The following AGAP1 variants were observed in gnomAD, a reference collection of about 807,000 sequenced individuals.
The protein encoded by AGAP1 is ArfGAP with GTPase domain, ankyrin repeat and PH domain 1.
Under a neutral mutation model 105.3 loss-of-function variants are expected in AGAP1, and 29 were observed. The ratio of observed to expected loss-of-function variants is 0.28; its 90% CI spans 0.21 to 0.38. AGAP1 has a LOEUF of 0.38. AGAP1 is among the 10% of genes least tolerant of loss of function. The pLI is 1.00. For synonymous variants in AGAP1, 509 were observed against 485.9 expected (o/e 1.05, Z -0.63); for missense variants, 998 against 1,165.1 (o/e 0.86, Z 2.09).
chr2:236,030,474 G>A (rs975830390), intron 13 of AGAP1, among the ~76,000 whole-genome samples: 1 of 152,196 alleles, frequency 6.6e-6, no homozygotes, highest in Non-Finnish European at 1.5e-5. Flanking sequence ...GGGGCCTCCC[G>A]GCTCCTTTCC....
At chr2:235,554,204 C>T (rs1028606657) in intron 1 of AGAP1, among the ~76,000 whole-genome samples, 6 of 152,228 alleles carry the variant, frequency 3.9e-5, no homozygotes, top group African/African-American at 1.4e-4. Flanking sequence ...TCTTGAGCAT[C>T]TCATTTTAAT....
chr2:235,851,719 C>T (rs543524758), intron 9 of AGAP1, among the ~76,000 whole-genome samples: 4 of 152,006 alleles, frequency 2.6e-5, no homozygotes, highest in Non-Finnish European at 4.4e-5. Context: ...AAGAAGGGGA[C>T]GGGGAAGCGC....
intron 9 of AGAP1, among the ~76,000 whole-genome samples, chr2:235,819,117 CTTT>C (rs1235692784): frequency 1.8e-4 from 13 of 74,050 alleles, no homozygotes; most frequent in African/African-American, 3.1e-4. Flanking sequence ...CTTTTCTTTT[CTTT>C]TTTTTTTTTT....
At chr2:235,871,755 T>C (rs1559589448) in intron 9 of AGAP1, among the ~76,000 whole-genome samples, 1 of 152,196 alleles carries the variant, frequency 6.6e-6, no homozygotes, top group Non-Finnish European at 1.5e-5. Flanking sequence ...GGCTGACTTA[T>C]CTGTCAGAGC....
intron 6 of AGAP1, among the ~76,000 whole-genome samples, chr2:235,767,766 C>T (rs999983882): frequency 6.8e-5 from 10 of 146,740 alleles, no homozygotes; most frequent in African/African-American, 2.5e-4. Flanking sequence ...TAGAATCTTC[C>T]AGTTTCTTGT....
chr2:235,568,297 C>T (rs916510218), intron 1 of AGAP1, among the ~76,000 whole-genome samples: 4 of 152,324 alleles, frequency 2.6e-5, no homozygotes, highest in South Asian at 2.1e-4. Context: ...CTGTGGGATC[C>T]GAGCTGCTGC....
rs939206486 is a variant in AGAP1 at position 236,109,466 on chromosome 2, G to A, written c.2115-10726G>A. Among the ~76,000 whole-genome samples the A allele has an allele frequency of 3.3e-5, 5 of 152,124 alleles. No individual in the cohort carries two copies. Among genetic ancestry groups the A allele is most frequent in the Admixed American group, 6.6e-5 (1 of 15,238 alleles). ...TATAGATAGTTTTGATAGGGAAGAA[G>A]AGGAGGAAGGAAAAACTGAGATGAT... is the stretch of plus-strand genomic sequence containing the variant. On this transcript the variant is annotated intron_variant, in intron 16 of 17. Transcript: ENST00000304032. This position sits in a 1 kb window ranked among gnomAD's most constrained non-coding sequence, Gnocchi z 5.4.
chr2:236,119,352 A>G lies in AGAP1; in HGVS notation c.2115-840A>G, dbSNP rs2059847082. Among the ~76,000 whole-genome samples the G allele has an allele frequency of 6.6e-6, 1 of 151,674 alleles. No homozygotes were observed. The highest frequency in any genetic ancestry group is 2.4e-5 in the African/African-American group (1 of 41,270). On this transcript the variant is annotated intron_variant, in intron 16 of 17. Transcript: ENST00000304032. The surrounding 1 kb of genome is among the most constrained non-coding windows in gnomAD (Gnocchi z 6.6). ...CCATTCCTGACATTCTGTCCTTTCC[A>G]CTTAAGCCTTCCCCAAGTATCTGGA...
At chr2:235,808,752 T>C (rs1452984322) in intron 9 of AGAP1, among the ~76,000 whole-genome samples, 2 of 152,162 alleles carry the variant, frequency 1.3e-5, no homozygotes, top group Non-Finnish European at 2.9e-5. Context: ...CGCAAATATA[T>C]GGATTGGCCC....
chr2:235,825,416 C>T (rs1254204784), intron 9 of AGAP1, among the ~76,000 whole-genome samples: 1 of 152,156 alleles, frequency 6.6e-6, no homozygotes, highest in Non-Finnish European at 1.5e-5. Flanking sequence ...GCAGCATTAA[C>T]GAGTTTTTGA....
Position 236,105,849 on chromosome 2 carries a change from G to A in AGAP1, c.2115-14343G>A, listed in dbSNP as rs752817627. The stretch of plus-strand genomic sequence containing the variant: ...CCTGACCTCATGATCCACCCTCCTC[G>A]GCCTCCCAAAGTGCTGGGATTACAG... On this transcript the variant is annotated intron_variant, in intron 16 of 17. Coordinates refer to ENST00000304032, the MANE Select transcript of AGAP1 (RefSeq NM_001037131.3). This position sits in a 1 kb window ranked among gnomAD's most constrained non-coding sequence, Gnocchi z 4.2. 2.6e-5 allele frequency among the ~76,000 whole-genome samples: 4 copies of A among 151,998 alleles called. No homozygotes were observed. Among genetic ancestry groups the A allele is most frequent in the Admixed American group, 6.6e-5 (1 of 15,264 alleles).
intron 1 of AGAP1, among the ~76,000 whole-genome samples, chr2:235,542,660 A>T (rs535692416): frequency 1.3e-5 from 2 of 152,362 alleles, no homozygotes; most frequent in South Asian, 4.1e-4. Flanking sequence ...GACTGTTCTG[A>T]GAATTGTTTG....
chr2:235,953,572 T>C lies in AGAP1; in HGVS notation c.1484-14890T>C. The stretch of plus-strand genomic sequence containing the variant: ...TTCTTTGTGCTGCAGTGGTCTTACT[T>C]GGCAACTCCCTGTCTTGACAGACTT... On this transcript the variant is annotated intron_variant, in intron 12 of 17. Coordinates refer to ENST00000304032, the MANE Select transcript of AGAP1 (RefSeq NM_001037131.3). The surrounding 1 kb of genome is among the most constrained non-coding windows in gnomAD (Gnocchi z 5.2). 6.6e-6 allele frequency among the ~76,000 whole-genome samples: 1 copy of C among 152,208 alleles called. No homozygotes were observed. The highest frequency in any genetic ancestry group is 3.2e-3 in the Middle Eastern group (1 of 316).
intron 1 of AGAP1, among the ~76,000 whole-genome samples, chr2:235,587,351 CT>C (rs1451775703): frequency 2.0e-5 from 3 of 152,134 alleles, no homozygotes; most frequent in Non-Finnish European, 4.4e-5. Flanking sequence ...GCGCATCCTC[CT>C]TGTAGTAACC....
In AGAP1 at chr2:235,732,889, A is replaced by G. The variant is rs3820778; in HGVS notation, c.311-8074A>G. ...CATTCTACCCACACTCCCATTTGCC[A>G]GACCTCAGCCACCTCCCCCAGCCAG... is the stretch of plus-strand genomic sequence containing the variant. On this transcript the variant is annotated intron_variant, in intron 3 of 17. Transcript: ENST00000304032. The surrounding 1 kb of genome is among the most constrained non-coding windows in gnomAD (Gnocchi z 4.8). Among the ~76,000 whole-genome samples the G allele has an allele frequency of 0.092, 14,045 of 152,152 alleles. 2,061 individuals are homozygous for G. The highest frequency in any genetic ancestry group is 0.31 in the African/African-American group (12,862 of 41,468).
chr2:235,641,341 T>C (rs1447974523), intron 1 of AGAP1, among the ~76,000 whole-genome samples: 1 of 146,632 alleles, frequency 6.8e-6, no homozygotes, highest in Admixed American at 6.8e-5. Context: ...CCTCCCTCTC[T>C]TCCTTCCTTC....
intron 12 of AGAP1, among the ~76,000 whole-genome samples, chr2:235,941,465 G>A (rs1172175814): frequency 6.6e-5 from 10 of 152,278 alleles, no homozygotes; most frequent in South Asian, 2.1e-4. Flanking sequence ...AAGAAGAATC[G>A]ACGGATAATC....
intron 16 of AGAP1, among the ~76,000 whole-genome samples, chr2:236,086,749 G>A (rs1377442435): frequency 1.3e-5 from 2 of 152,104 alleles, no homozygotes; most frequent in Admixed American, 1.3e-4. Context: ...ACGAAGTCAT[G>A]GACCCCAGAG....
intron 1 of AGAP1, among the ~76,000 whole-genome samples, chr2:235,688,843 C>T (rs893775243): frequency 6.6e-6 from 1 of 152,178 alleles, no homozygotes; most frequent in Non-Finnish European, 1.5e-5. Context: ...CCCTCATTCA[C>T]CCGCTAGTGC....
Sources: allele counts gnomAD v4.1 joint callset (sites outside exome capture counted in the v4.1 genomes callset), GRCh38; gene constraint gnomAD v4.1.1; non-coding constraint Gnocchi (gnomAD v3.1); transcripts MANE v1.5; gene names NCBI Gene and HGNC (gene_info 2026-07-23, HGNC 2026-07-21).